Variants in SUSD3 observed in about 807,000 individuals in gnomAD.
The protein encoded by SUSD3 is sushi domain containing 3.
In SUSD3, 18 loss-of-function variants were observed where a neutral mutation model predicts 20.6. The observed-to-expected ratio is 0.87, with a 90% CI of 0.60 to 1.30. The LOEUF (loss-of-function observed/expected upper bound fraction) is 1.30, where lower values mean the gene tolerates loss of function less well. Ranked by LOEUF, SUSD3 falls within the 50% of genes most tolerant of loss-of-function variation. SUSD3 has a pLI of 0.00. For missense variants in SUSD3, 306 were observed against 346.9 expected (o/e 0.88, Z 0.94); for synonymous variants, 137 against 141.5 (o/e 0.97, Z 0.23).
chr9:93,075,077 G>A (rs1329772063), intron 1 of SUSD3, among the ~76,000 whole-genome samples: 9 of 152,090 alleles, frequency 5.9e-5, no homozygotes, highest in East Asian at 3.8e-4. Flanking sequence ...TTACCTCACC[G>A]ACGCAGGAAA....
chr9:93,072,994 C>T (rs1825969490), intron 1 of SUSD3, among the ~76,000 whole-genome samples: 1 of 152,058 alleles, frequency 6.6e-6, no homozygotes, highest in Non-Finnish European at 1.5e-5. Context: ...AGGGCATGGT[C>T]CTGGCTGGAG....
chr9:93,059,620 G>C (rs1031063418), intron 1 of SUSD3, among the ~76,000 whole-genome samples: 1 of 152,200 alleles, frequency 6.6e-6, no homozygotes. Flanking sequence ...CACTGCCCAC[G>C]AACGTTAGGC....
intron 3 of SUSD3, 92 bp from the exon 4 acceptor site, chr9:93,079,379 G>T: frequency 6.9e-7 from 1 of 1,445,052 alleles, no homozygotes; most frequent in South Asian, 1.3e-5. Context: ...TGGTCCTGCA[G>T]ACGGTGCCCT....
chr9:93,058,716 C>A lies in SUSD3; in HGVS notation c.-27C>A. ...AGCCGGGCTCACTCCCCTGGCAGAC[C>A]CCGCCAAGCGCCTCGGAGCGCGCAG... On this transcript the variant is annotated 5_prime_UTR_variant, in exon 1 of 5. Coordinates refer to ENST00000375472, the MANE Select transcript of SUSD3 (RefSeq NM_145006.4). 1 of 1,223,372 alleles carries A rather than the reference C, an allele frequency of 8.2e-7. No individual in the cohort carries two copies. Among genetic ancestry groups the A allele is most frequent in the Non-Finnish European group, 1.0e-6 (1 of 979,814 alleles). The allele number at this position is 1,223,372 out of a possible 1,614,324, so 75.8% of individuals were successfully genotyped here. A position where few individuals can be genotyped will look rare whatever the true frequency, so the allele number is the denominator to read the frequency against.
intron 1 of SUSD3, among the ~76,000 whole-genome samples, chr9:93,074,562 A>G (rs998040367): frequency 2.1e-5 from 3 of 143,130 alleles, no homozygotes; most frequent in African/African-American, 7.9e-5. Context: ...GCCTTTCACT[A>G]TTATGTATGG....
chr9:93,061,843 G>A (rs1825517642), intron 1 of SUSD3, among the ~76,000 whole-genome samples: 2 of 152,212 alleles, frequency 1.3e-5, no homozygotes. Flanking sequence ...TCACTGGCAG[G>A]TGGGGATCGA....
intron 1 of SUSD3, among the ~76,000 whole-genome samples, chr9:93,072,112 CTG>C: frequency 6.6e-6 from 1 of 152,254 alleles, no homozygotes; most frequent in East Asian, 1.9e-4. Context: ...CCAGTGTTGT[CTG>C]TGTTAGATCA....
At chr9:93,079,664 CG>C in intron 4 of SUSD3, 62 bp downstream of exon 4, 1 of 1,575,314 alleles carries the variant, frequency 6.3e-7, no homozygotes. Flanking sequence ...GGTCAGGCCC[CG>C]GGCCACCTGC....
intron 1 of SUSD3, among the ~76,000 whole-genome samples, chr9:93,074,042 T>C (rs1291587580): frequency 6.6e-6 from 1 of 152,158 alleles, no homozygotes; most frequent in African/African-American, 2.4e-5. Context: ...GTAAGGCAGG[T>C]GCAATGGCAT....
intron 4 of SUSD3, among the ~76,000 whole-genome samples, chr9:93,083,494 A>C (rs930019670): frequency 6.6e-6 from 1 of 152,226 alleles, no homozygotes; most frequent in Non-Finnish European, 1.5e-5. Context: ...TTTTTATTTC[A>C]TAAGTACTTC....
At chr9:93,078,081 C>A in intron 3 of SUSD3, 88 bp downstream of exon 3, 1 of 1,565,060 alleles carries the variant, frequency 6.4e-7, no homozygotes, top group South Asian at 1.1e-5. Flanking sequence ...TTCAAGGGAA[C>A]CCCGGCACTG....
At chr9:93,068,813 C>T (rs1246369011) in intron 1 of SUSD3, among the ~76,000 whole-genome samples, 1 of 152,094 alleles carries the variant, frequency 6.6e-6, no homozygotes, top group Non-Finnish European at 1.5e-5. Flanking sequence ...TACAATGTAT[C>T]CAAGGGGGAT....
At position 93,078,143 on chromosome 9, in the gene SUSD3, C is replaced by T. The variant is rs753652901; in HGVS notation, c.425+150C>T. On this transcript the variant is annotated intron_variant, in intron 3 of 4. Transcript: ENST00000375472. ...GCTGCTCTGGGCCTGCGTCTCCCCC[C>T]CAAGTGCTGCTCCCGGCCCACGCAG... 3.0e-5 allele frequency: 33 copies of T among 1,110,838 alleles called. No homozygotes were observed. In the East Asian group the frequency reaches 3.5e-4, roughly 12 times the overall value. The allele number at this position is 1,110,838 out of a possible 1,614,324, so 68.8% of individuals were successfully genotyped here. A position where few individuals can be genotyped will look rare whatever the true frequency, so the allele number is the denominator to read the frequency against.
At chr9:93,069,703 T>C (rs1825841080) in intron 1 of SUSD3, among the ~76,000 whole-genome samples, 2 of 152,186 alleles carry the variant, frequency 1.3e-5, no homozygotes, top group South Asian at 4.1e-4. Context: ...TTATAATAGC[T>C]TTTAGTGGAT....
At chr9:93,062,186 CGCG>C (rs1825533478) in intron 1 of SUSD3, among the ~76,000 whole-genome samples, 2 of 152,176 alleles carry the variant, frequency 1.3e-5, no homozygotes, top group South Asian at 4.1e-4. Context: ...GAGGCGCAGG[CGCG>C]GCATGTGGGC....
At chr9:93,075,751 C>CT (rs1554748856) in intron 1 of SUSD3, 33 bp from the exon 2 acceptor site, 1 of 248,754 alleles carries the variant, frequency 4.0e-6, no homozygotes. Context: ...CCCCCCCCCC[C>CT]CCGCCATGCC....
rs184778161 is a variant in SUSD3 at position 93,078,025 on chromosome 9, C to G, written c.425+32C>G. The G allele has an allele frequency of 1.1e-3, 1,847 of 1,613,700 alleles. 37 individuals are homozygous for G. The Admixed American group carries it at 0.029, about 25-fold the overall frequency. ...TGGCCTCATGATCTCAGGGTCCTCC[C>G]GGGAGGCGCCTCTTGGCACCATGGG... On this transcript the variant is annotated intron_variant, in intron 3 of 4. Transcript: ENST00000375472.
chr9:93,079,445 GTCCT>G (rs1564194668), intron 3 of SUSD3, 22 bp from the exon 4 acceptor site: 3 of 1,612,538 alleles, frequency 1.9e-6, no homozygotes, highest in East Asian at 4.5e-5. Context: ...CATGCTCAGA[GTCCT>G]TCCTCCCAAA....
At chr9:93,081,860 C>A (rs765524463) in intron 4 of SUSD3, among the ~76,000 whole-genome samples, 2 of 152,192 alleles carry the variant, frequency 1.3e-5, no homozygotes, top group South Asian at 2.1e-4. Flanking sequence ...ATCTGCTAGA[C>A]CCTCCCCTGT....
Sources: gnomAD v4.1 joint callset for allele counts (sites outside exome capture counted in the v4.1 genomes callset) on GRCh38, gnomAD v4.1.1 for gene constraint, MANE v1.5 for transcripts, NCBI Gene and HGNC (gene_info 2026-07-23, HGNC 2026-07-21) for gene names.